NELL1: variants seen among roughly 807,000 people sequenced by gnomAD.
The protein encoded by NELL1 is neural EGFL like 1.
NELL1 carries 76 observed loss-of-function variants against 107.4 expected under a neutral mutation model. That is an observed-to-expected ratio of 0.71 (90% CI 0.59 to 0.86). The LOEUF (loss-of-function observed/expected upper bound fraction) is 0.86. Ranked by LOEUF, NELL1 falls within the 40% of genes least tolerant of loss-of-function variation. The pLI is 0.00. For missense variants in NELL1, 1,024 were observed against 1,005.5 expected (o/e 1.02, Z -0.25); for synonymous variants, 353 against 341.2 (o/e 1.03, Z -0.38).
intron 12 of NELL1, among the ~76,000 whole-genome samples, chr11:21,066,944 A>C (rs1001799006): frequency 2.0e-5 from 3 of 151,254 alleles, no homozygotes; most frequent in Non-Finnish European, 4.4e-5. Flanking sequence ...ACAGAGCGAG[A>C]CTCCATTGCA....
At chr11:21,361,286 T>A (rs1488455638) in intron 14 of NELL1, among the ~76,000 whole-genome samples, 1 of 97,866 alleles carries the variant, frequency 1.0e-5, no homozygotes, top group Non-Finnish European at 2.3e-5. Context: ...TTTTTTTTTT[T>A]AGTTTCAGGA....
At chr11:21,534,760 G>C (rs1417719423) in intron 16 of NELL1, among the ~76,000 whole-genome samples, 2 of 152,066 alleles carry the variant, frequency 1.3e-5, no homozygotes, top group African/African-American at 4.8e-5. Flanking sequence ...TTATGGCTTT[G>C]TTCTAAGGAA....
intron 3 of NELL1, among the ~76,000 whole-genome samples, chr11:20,826,815 C>T (rs1857894778): frequency 1.3e-5 from 2 of 151,202 alleles, no homozygotes; most frequent in African/African-American, 4.8e-5. Flanking sequence ...TTCAGGTGAA[C>T]AAGACCTTTG....
intron 14 of NELL1, among the ~76,000 whole-genome samples, chr11:21,249,651 A>G (rs530576358): frequency 1.2e-4 from 18 of 152,338 alleles, no homozygotes; most frequent in African/African-American, 4.1e-4. Context: ...GTGCAATTCC[A>G]ATTCAAAACT....
intron 7 of NELL1, chr11:20,926,877 A>G (rs1002765214): frequency 2.0e-5 from 3 of 152,822 alleles, no homozygotes; most frequent in African/African-American, 7.2e-5. Flanking sequence ...GTAAACCACG[A>G]CATTCTAGTT....
At chr11:21,059,144 A>G (rs1039920077) in intron 12 of NELL1, among the ~76,000 whole-genome samples, 3 of 152,108 alleles carry the variant, frequency 2.0e-5, no homozygotes, top group African/African-American at 7.2e-5. Flanking sequence ...TCTTTATGGT[A>G]GAACAGAGGT....
chr11:21,305,992 T>C (rs1467172795), intron 14 of NELL1, among the ~76,000 whole-genome samples: 1 of 151,978 alleles, frequency 6.6e-6, no homozygotes, highest in Non-Finnish European at 1.5e-5. Flanking sequence ...AAATTATTTT[T>C]GCATCAATTC....
chr11:21,156,852 A>G (rs1232584490), intron 13 of NELL1, among the ~76,000 whole-genome samples: 1 of 151,610 alleles, frequency 6.6e-6, no homozygotes, highest in Admixed American at 6.6e-5. Flanking sequence ...CAGCACTTTG[A>G]GAGGCTGAGG....
chr11:20,766,740 ATTTTTTT>A (rs202218877), intron 2 of NELL1, among the ~76,000 whole-genome samples: 1 of 139,712 alleles, frequency 7.2e-6, no homozygotes, highest in Non-Finnish European at 1.6e-5. Flanking sequence ...CTATTGACAT[ATTTTTTT>A]TTTTTTTTTG....
chr11:21,291,258 T>TAAC (rs1279764060), intron 14 of NELL1, among the ~76,000 whole-genome samples: 1 of 152,040 alleles, frequency 6.6e-6, no homozygotes, highest in Admixed American at 6.6e-5. Context: ...AACGATATAA[T>TAAC]GAAATTAAGG....
At chr11:20,728,630 G>A (rs1311852620) in intron 2 of NELL1, among the ~76,000 whole-genome samples, 1 of 151,370 alleles carries the variant, frequency 6.6e-6, no homozygotes, top group East Asian at 1.9e-4. Context: ...TAGATTTGTG[G>A]CTTTATTTCT....
chr11:20,802,977 T>A (rs995192713), intron 3 of NELL1, among the ~76,000 whole-genome samples: 1 of 152,212 alleles, frequency 6.6e-6, no homozygotes, highest in Admixed American at 6.5e-5. Context: ...GCTAGTATTT[T>A]GTTGAGGATT....
At position 21,293,649 on chromosome 11, in the gene NELL1, C is replaced by G. The variant is rs552361220; in HGVS notation, c.1549+64195C>G. 2.2e-3 allele frequency among the ~76,000 whole-genome samples: 330 copies of G among 152,240 alleles called. 1 individual carries two copies. Among genetic ancestry groups the G allele is most frequent in the Non-Finnish European group, 3.9e-3 (268 of 68,014 alleles). On this transcript the variant is annotated intron_variant, in intron 14 of 19. Transcript: ENST00000357134. ...ATGCACATGTGTGTTTATTGCAGCA[C>G]TGTCCACAATAGCAAAGACTTGGAG...
At chr11:20,864,163 A>AT (rs139287215) in intron 4 of NELL1, among the ~76,000 whole-genome samples, 1,659 of 152,210 alleles carry the variant, frequency 0.011, 23 homozygotes, top group African/African-American at 0.037. Context: ...TTCGAGAGTC[A>AT]TTTTTTAACA....
At chr11:21,006,538 T>G (rs1170353359) in intron 12 of NELL1, among the ~76,000 whole-genome samples, 1 of 152,140 alleles carries the variant, frequency 6.6e-6, no homozygotes, top group African/African-American at 2.4e-5. Context: ...CAAAAAACAT[T>G]TTTATCAAAT....
chr11:21,445,467 C>T (rs998518503), intron 15 of NELL1, among the ~76,000 whole-genome samples: 5 of 152,068 alleles, frequency 3.3e-5, no homozygotes, highest in Non-Finnish European at 5.9e-5. Flanking sequence ...GCTGGGATTA[C>T]AGGCATGCAC....
chr11:21,129,959 G>GA (rs1280310626), intron 13 of NELL1, among the ~76,000 whole-genome samples: 1 of 152,042 alleles, frequency 6.6e-6, no homozygotes, highest in South Asian at 2.1e-4. Context: ...AAACATTGGG[G>GA]AAAAAATGCC....
intron 2 of NELL1, among the ~76,000 whole-genome samples, chr11:20,748,665 T>C (rs1260955722): frequency 5.9e-5 from 9 of 152,194 alleles, no homozygotes; most frequent in Non-Finnish European, 8.8e-5. Context: ...GGTATTTTGA[T>C]TTTCCATTCC....
chr11:20,721,313 A>G (rs537169392), intron 2 of NELL1, among the ~76,000 whole-genome samples: 1 of 151,178 alleles, frequency 6.6e-6, no homozygotes, highest in South Asian at 2.1e-4. Flanking sequence ...TTTTGTATCA[A>G]CAGGAAGACT....
Sources: allele counts gnomAD v4.1 joint callset (sites outside exome capture counted in the v4.1 genomes callset), GRCh38; gene constraint gnomAD v4.1.1; transcripts MANE v1.5; gene names NCBI Gene and HGNC (gene_info 2026-07-23, HGNC 2026-07-21).